DLGAP2: variants seen among roughly 807,000 people sequenced by gnomAD.
The protein encoded by DLGAP2 is disks large-associated protein 2.
In DLGAP2, 26 loss-of-function variants were observed where a neutral mutation model predicts 100.3. The observed-to-expected ratio is 0.26, with a 90% confidence interval of 0.19 to 0.36. DLGAP2 has a LOEUF of 0.36. Ranked by LOEUF, DLGAP2 falls within the 10% of genes least tolerant of loss-of-function variation. The pLI, the probability that DLGAP2 is intolerant of heterozygous loss-of-function variation, is 1.00. For synonymous variants in DLGAP2, 886 were observed against 630.1 expected (o/e 1.41, Z -6.08); for missense variants, 1,858 against 1,453.2 (o/e 1.28, Z -4.53).
At chr8:1,076,750 G>T (rs928163668) in intron 2 of DLGAP2, among the ~76,000 whole-genome samples, 15 of 152,184 alleles carry the variant, frequency 9.9e-5, no homozygotes, top group African/African-American at 3.6e-4. Flanking sequence ...TCACACCAGA[G>T]ATCCCCTTCT....
At position 1,333,099 on chromosome 8, in the gene DLGAP2, C is replaced by T. The variant is rs1041583755; in HGVS notation, c.106+74216C>T. On this transcript the variant is annotated intron_variant, in intron 3 of 14. Coordinates refer to ENST00000637795, the MANE Select transcript of DLGAP2 (RefSeq NM_001346810.2). ...AGGTCAGGCTCTTCATGCCTCCGGGCGGTCTGTTCCTCCTAAGCAGATGGA... is the reference window on the plus strand; with the variant it reads ...AGGTCAGGCTCTTCATGCCTCCGGGTGGTCTGTTCCTCCTAAGCAGATGGA... Among the ~76,000 whole-genome samples the T allele has an allele frequency of 6.6e-5, 10 of 152,138 alleles. No individual in the cohort carries two copies. In the East Asian group the frequency reaches 9.7e-4, roughly 15 times the overall value.
At chr8:1,102,962 C>T (rs559931188) in intron 2 of DLGAP2, among the ~76,000 whole-genome samples, 10 of 150,488 alleles carry the variant, frequency 6.6e-5, no homozygotes, top group South Asian at 2.1e-4. Context: ...TGTGGTTTTC[C>T]GGGGTCTTCA....
intron 2 of DLGAP2, among the ~76,000 whole-genome samples, chr8:1,080,993 A>T (rs188356318): frequency 1.3e-5 from 2 of 152,314 alleles, no homozygotes; most frequent in East Asian, 3.9e-4. Flanking sequence ...TATGCATATT[A>T]CCTCATTAGC....
rs1293578122 is a variant in DLGAP2 at position 1,434,975 on chromosome 8, A to T, written c.107-66391A>T. On this transcript the variant is annotated intron_variant, in intron 3 of 14. Coordinates refer to ENST00000637795, the MANE Select transcript of DLGAP2 (RefSeq NM_001346810.2). The stretch of plus-strand genomic sequence containing the variant: ...TGGCCCTGGACTCTTGATCTTGTGG[A>T]TCCAGATGTACAACATTCAGTACTC... Among the ~76,000 whole-genome samples the T allele has an allele frequency of 2.0e-5, 3 of 152,146 alleles. No homozygotes were observed. The East Asian group carries it at 5.8e-4, about 29-fold the overall frequency.
chr8:1,582,726 A>T (rs1374920499), intron 6 of DLGAP2, among the ~76,000 whole-genome samples: 1 of 152,120 alleles, frequency 6.6e-6, no homozygotes. Context: ...AGCAGCTGGG[A>T]TTACAAGTGT....
chr8:1,211,712 C>T (rs373842032), intron 2 of DLGAP2, among the ~76,000 whole-genome samples: 4 of 152,048 alleles, frequency 2.6e-5, no homozygotes, highest in Non-Finnish European at 5.9e-5. Context: ...CCTGTCTCTA[C>T]TAAAAATACA....
At chr8:906,701 G>A (rs1352493757) in intron 1 of DLGAP2, among the ~76,000 whole-genome samples, 1 of 152,170 alleles carries the variant, frequency 6.6e-6, no homozygotes, top group Non-Finnish European at 1.5e-5. Context: ...AAGGCTTAGC[G>A]CCTCCCTGCC....
chr8:1,156,516 G>A (rs527321953), intron 2 of DLGAP2, among the ~76,000 whole-genome samples: 3 of 151,818 alleles, frequency 2.0e-5, no homozygotes, highest in Non-Finnish European at 4.4e-5. Context: ...GAAGTCAGGC[G>A]TCTTTAGGAG....
At chr8:1,323,293 G>C (rs536592853) in intron 3 of DLGAP2, among the ~76,000 whole-genome samples, 22 of 152,220 alleles carry the variant, frequency 1.4e-4, no homozygotes, top group African/African-American at 4.8e-4. Context: ...GCCTCCCAAA[G>C]TGCTAGGATT....
At chr8:1,177,385 T>G (rs2116694006) in intron 2 of DLGAP2, among the ~76,000 whole-genome samples, 1 of 152,236 alleles carries the variant, frequency 6.6e-6, no homozygotes, top group South Asian at 2.1e-4. Context: ...ATGTGTGGTC[T>G]CCTGGCCCGA....
chr8:1,671,980 A>G (rs1003392479), intron 10 of DLGAP2, among the ~76,000 whole-genome samples: 7 of 152,250 alleles, frequency 4.6e-5, no homozygotes, highest in East Asian at 1.9e-4. Context: ...CTTCATTCCA[A>G]TTGGACCATT....
In DLGAP2 at chr8:737,726, C is replaced by G; in HGVS notation, c.-82C>G. On this transcript the variant is annotated 5_prime_UTR_variant, in exon 1 of 15. Transcript: ENST00000637795. ...GCGGACGGACGTACTGACCCCAACC[C>G]GCGAGCCCCGGGAGCCGTCGGTCTG... 2.7e-6 allele frequency: 1 copy of G among 374,410 alleles called. No homozygotes were observed. Among genetic ancestry groups the G allele is most frequent in the Non-Finnish European group, 4.8e-6 (1 of 210,210 alleles). The allele number at this position is 374,410 out of a possible 1,614,324, so 23.2% of individuals were successfully genotyped here. A position where few individuals can be genotyped will look rare whatever the true frequency, so the allele number is the denominator to read the frequency against.
chr8:881,028 T>C (rs1295769610), intron 1 of DLGAP2, among the ~76,000 whole-genome samples: 1 of 152,232 alleles, frequency 6.6e-6, no homozygotes. Flanking sequence ...GGCTTATATA[T>C]AAGTGAGTAA....
At chr8:813,349 A>T (rs1042385182) in intron 1 of DLGAP2, among the ~76,000 whole-genome samples, 1 of 152,140 alleles carries the variant, frequency 6.6e-6, no homozygotes, top group Non-Finnish European at 1.5e-5. Flanking sequence ...ATATTTGATA[A>T]AGTGTTTATA....
intron 1 of DLGAP2, among the ~76,000 whole-genome samples, chr8:870,393 C>A (rs1306934052): frequency 2.0e-5 from 3 of 152,174 alleles, no homozygotes; most frequent in African/African-American, 7.2e-5. Context: ...CCTCCCAGGA[C>A]CCTAAACACG....
chr8:990,318 G>A (rs11985476), intron 2 of DLGAP2, among the ~76,000 whole-genome samples: 1 of 140,040 alleles, frequency 7.1e-6, no homozygotes, highest in African/African-American at 2.9e-5. Context: ...CAGACCCCCT[G>A]CACCCCCATA....
intron 2 of DLGAP2, among the ~76,000 whole-genome samples, chr8:922,035 G>A (rs1253202238): frequency 2.0e-5 from 3 of 152,268 alleles, no homozygotes; most frequent in Non-Finnish European, 4.4e-5. Flanking sequence ...TGGCCCGGGT[G>A]TGGCACAGCT....
intron 1 of DLGAP2, among the ~76,000 whole-genome samples, chr8:837,254 G>C (rs950177330): frequency 6.6e-6 from 1 of 152,218 alleles, no homozygotes; most frequent in Non-Finnish European, 1.5e-5. Flanking sequence ...GTTCGAGGCA[G>C]CCTGGCCAGT....
At chr8:1,215,050 C>T (rs1365469312) in intron 2 of DLGAP2, among the ~76,000 whole-genome samples, 1 of 152,090 alleles carries the variant, frequency 6.6e-6, no homozygotes, top group Non-Finnish European at 1.5e-5. Flanking sequence ...TATAAGAACA[C>T]AAAAGGGAAA....
Sources: gnomAD v4.1 joint callset for allele counts (sites outside exome capture counted in the v4.1 genomes callset) on GRCh38, gnomAD v4.1.1 for gene constraint, MANE v1.5 for transcripts, NCBI Gene and HGNC (gene_info 2026-07-23, HGNC 2026-07-21) for gene names.